Variants in PACRG observed in about 807,000 individuals in gnomAD.
PACRG encodes the protein parkin coregulated, also known as parkin coregulated gene protein.
Under a neutral mutation model 29.7 loss-of-function variants are expected in PACRG, and 29 were observed. That is an observed-to-expected ratio of 0.98 (90% CI 0.73 to 1.33). The LOEUF is 1.33. PACRG is among the 40% of genes most tolerant of loss of function. PACRG has a pLI of 0.00. For synonymous variants in PACRG, 116 were observed against 118.7 expected (o/e 0.98, Z 0.15); for missense variants, 279 against 316.2 (o/e 0.88, Z 0.89).
chr6:162,813,166 G>A lies in PACRG; in HGVS notation c.157-981G>A, dbSNP rs1787028311. ...TGTTAATATATTCATTAAAATTGGAGTTTTTAACAAAAATATTACAAATTA... is the reference window on the plus strand; with the variant it reads ...TGTTAATATATTCATTAAAATTGGAATTTTTAACAAAAATATTACAAATTA... On this transcript the variant is annotated intron_variant, in intron 1 of 4. Transcript: ENST00000366888. Among the ~76,000 whole-genome samples the A allele has an allele frequency of 4.0e-5, 6 of 151,570 alleles. No homozygotes were observed. In the South Asian group the frequency reaches 1.3e-3, roughly 32 times the overall value.
chr6:162,805,016 G>T (rs1274382701), intron 1 of PACRG, among the ~76,000 whole-genome samples: 1 of 152,140 alleles, frequency 6.6e-6, no homozygotes. Flanking sequence ...TGTATTGAAT[G>T]CTGTAGGTAA....
chr6:162,867,915 T>C (rs975359025), intron 2 of PACRG, among the ~76,000 whole-genome samples: 15 of 152,198 alleles, frequency 9.9e-5, no homozygotes, highest in Non-Finnish European at 1.5e-4. Context: ...CCCATTACTT[T>C]GCTGCTGGCT....
chr6:162,752,817 A>G (rs1781611557), intron 1 of PACRG, among the ~76,000 whole-genome samples: 1 of 152,230 alleles, frequency 6.6e-6, no homozygotes, highest in South Asian at 2.1e-4. Context: ...ACATAGTCTA[A>G]ATAATGCATT....
intron 3 of PACRG, among the ~76,000 whole-genome samples, chr6:163,080,375 C>T (rs1433910818): frequency 3.9e-5 from 6 of 152,080 alleles, no homozygotes; most frequent in African/African-American, 7.3e-5. Flanking sequence ...GAACCTGCCC[C>T]GCCTCTGACA....
intron 4 of PACRG, among the ~76,000 whole-genome samples, chr6:163,269,979 G>GAAAGAAAGAAAGAAAGAAAGAAAGA (rs1783755162): frequency 1.1e-5 from 1 of 93,696 alleles, no homozygotes; most frequent in Non-Finnish European, 2.2e-5. Context: ...AAGAAAGAAA[G>GAAAGAAAGAAAGAAAGAAAGAAAGA]AAAGAAAGAA....
rs1792166983 is a variant in PACRG, at chr6:162,864,910, A to AT, written c.291+50633dup. On this transcript the variant is annotated intron_variant, in intron 2 of 4. Coordinates refer to ENST00000366888, the MANE Select transcript of PACRG (RefSeq NM_001080379.2). ...TGACCTATAAAGTATGTGCTATTAT[A>AT]TTTTGTTTCATTTCCTGTCCAAAGA... Among the ~76,000 whole-genome samples, 3 of 152,262 alleles carry AT rather than the reference A, an allele frequency of 2.0e-5. No homozygotes were observed. The South Asian group carries it at 6.2e-4, about 32-fold the overall frequency.
At chr6:163,062,935 C>T (rs1811215255) in intron 3 of PACRG, among the ~76,000 whole-genome samples, 1 of 152,028 alleles carries the variant, frequency 6.6e-6, no homozygotes, top group African/African-American at 2.4e-5. Context: ...TGAGGTTGTC[C>T]CACGTGACAG....
intron 2 of PACRG, among the ~76,000 whole-genome samples, chr6:163,012,290 C>G (rs936881340): frequency 6.6e-6 from 1 of 152,154 alleles, no homozygotes; most frequent in African/African-American, 2.4e-5. Flanking sequence ...CACATTCATT[C>G]AGGGGGAAAC....
At chr6:162,748,819 T>C (rs534389978) in intron 1 of PACRG, among the ~76,000 whole-genome samples, 16 of 152,274 alleles carry the variant, frequency 1.1e-4, no homozygotes, top group African/African-American at 3.6e-4. Flanking sequence ...ACTACTACTT[T>C]TTTCAAAAGC....
chr6:163,158,646 A>G (rs1778421768), intron 4 of PACRG, among the ~76,000 whole-genome samples: 1 of 152,208 alleles, frequency 6.6e-6, no homozygotes, highest in Non-Finnish European at 1.5e-5. Flanking sequence ...ATAGCAAAAT[A>G]TAACCCTGAG....
chr6:163,305,225 G>C (rs1199587851), intron 4 of PACRG, among the ~76,000 whole-genome samples: 4 of 152,210 alleles, frequency 2.6e-5, no homozygotes, highest in African/African-American at 9.6e-5. Flanking sequence ...AGGAAACCCA[G>C]AGACTCTCCT....
chr6:163,177,737 T>TTTTTTTTTTG (rs1779447560), intron 4 of PACRG, among the ~76,000 whole-genome samples: 1 of 141,814 alleles, frequency 7.1e-6, no homozygotes, highest in African/African-American at 2.7e-5. Context: ...TTTTTTTTTT[T>TTTTTTTTTTG]GCGGGTGGGA....
chr6:163,181,936 C>T (rs1779696023), intron 4 of PACRG, among the ~76,000 whole-genome samples: 1 of 152,172 alleles, frequency 6.6e-6, no homozygotes, highest in Admixed American at 6.5e-5. Context: ...TTCACAGCAG[C>T]TTTGTCATTG....
At chr6:163,179,109 T>C in intron 4 of PACRG, 1 of 421,344 alleles carries the variant, frequency 2.4e-6, no homozygotes, top group Admixed American at 2.5e-5. Flanking sequence ...TAGGTTTCAA[T>C]GGTGGGTTTC....
chr6:162,987,370 T>C (rs1223939897), intron 2 of PACRG, among the ~76,000 whole-genome samples: 2 of 152,170 alleles, frequency 1.3e-5, no homozygotes, highest in Non-Finnish European at 2.9e-5. Context: ...CTCCCAGCCA[T>C]GGATACCAGC....
At position 162,927,552 on chromosome 6, in the gene PACRG, A is replaced by G. The variant is rs544929448; in HGVS notation, c.291+113271A>G. ...TCATCCTCAGTAAACTAACACAGCA[A>G]CAGAAAACCAAACACCAGATATTCT... On this transcript the variant is annotated intron_variant, in intron 2 of 4. Coordinates refer to ENST00000366888, the MANE Select transcript of PACRG (RefSeq NM_001080379.2). Among the ~76,000 whole-genome samples the G allele has an allele frequency of 1.9e-4, 29 of 152,258 alleles. 1 individual carries two copies. The highest frequency in any genetic ancestry group is 1.6e-3 in the Admixed American group (24 of 15,278).
At chr6:162,844,350 G>A (rs1790142923) in intron 2 of PACRG, among the ~76,000 whole-genome samples, 1 of 152,226 alleles carries the variant, frequency 6.6e-6, no homozygotes, top group African/African-American at 2.4e-5. Context: ...GGGTGGGAGT[G>A]ACCCCATTTT....
chr6:162,839,761 G>A (rs1238512171), intron 2 of PACRG, among the ~76,000 whole-genome samples: 2 of 152,006 alleles, frequency 1.3e-5, no homozygotes, highest in East Asian at 3.9e-4. Context: ...ATCTTGAATT[G>A]ATTTTTGTAT....
At chr6:163,026,006 A>G (rs574982641) in intron 2 of PACRG, among the ~76,000 whole-genome samples, 13 of 152,350 alleles carry the variant, frequency 8.5e-5, no homozygotes, top group Non-Finnish European at 1.3e-4. Context: ...TTTATAGGGA[A>G]CCAAAAAAAG....
Sources: allele counts gnomAD v4.1 joint callset (sites outside exome capture counted in the v4.1 genomes callset), GRCh38; gene constraint gnomAD v4.1.1; transcripts MANE v1.5; gene names NCBI Gene and HGNC (gene_info 2026-07-23, HGNC 2026-07-21).